The following KCNIP4 variants were observed in gnomAD, a reference collection of about 807,000 sequenced individuals.
KCNIP4 encodes the protein potassium voltage-gated channel interacting protein 4.
KCNIP4 carries 12 observed loss-of-function variants against 34.0 expected under a neutral mutation model. The observed-to-expected ratio is 0.35, with a 90% CI of 0.23 to 0.57. KCNIP4 has a LOEUF of 0.57. Ranked by LOEUF, KCNIP4 falls within the 20% of genes least tolerant of loss-of-function variation. The pLI, the probability that KCNIP4 is intolerant of heterozygous loss-of-function variation, is 0.83. For synonymous variants in KCNIP4, 124 were observed against 102.2 expected (o/e 1.21, Z -1.29); for missense variants, 238 against 311.7 (o/e 0.76, Z 1.78).
intron 1 of KCNIP4, among the ~76,000 whole-genome samples, chr4:21,912,036 C>T (rs1166573629): frequency 6.6e-6 from 1 of 152,078 alleles, no homozygotes; most frequent in Non-Finnish European, 1.5e-5. Context: ...TTACATCAGG[C>T]AATTGCCTTG....
intron 1 of KCNIP4, among the ~76,000 whole-genome samples, chr4:21,173,950 C>G (rs1754205317): frequency 6.6e-6 from 1 of 152,172 alleles, no homozygotes; most frequent in Non-Finnish European, 1.5e-5. Flanking sequence ...TCTGCACACC[C>G]CACTCCTTTC....
At chr4:20,813,923 G>T (rs1198694679) in intron 3 of KCNIP4, among the ~76,000 whole-genome samples, 1 of 152,194 alleles carries the variant, frequency 6.6e-6, no homozygotes, top group Non-Finnish European at 1.5e-5. Flanking sequence ...GGTCCAGCAA[G>T]TCACTGCAGT....
intron 3 of KCNIP4, among the ~76,000 whole-genome samples, chr4:20,836,300 T>C (rs569979945): frequency 7.7e-4 from 118 of 152,332 alleles, no homozygotes; most frequent in African/African-American, 2.7e-3. Flanking sequence ...CTTAGGGCTT[T>C]TGCGCTTGCT....
chr4:21,464,368 C>T (rs1291632222), intron 1 of KCNIP4, among the ~76,000 whole-genome samples: 6 of 151,934 alleles, frequency 3.9e-5, no homozygotes, highest in Admixed American at 6.6e-5. Context: ...GTGTAAGCTA[C>T]ATTCTATAAT....
chr4:20,797,460 T>G (rs1713626711), intron 3 of KCNIP4, among the ~76,000 whole-genome samples: 1 of 152,158 alleles, frequency 6.6e-6, no homozygotes, highest in South Asian at 2.1e-4. Context: ...CCTCCTGGTG[T>G]GTATGCCCTG....
At chr4:21,421,752 A>C (rs1405174116) in intron 1 of KCNIP4, among the ~76,000 whole-genome samples, 1 of 152,236 alleles carries the variant, frequency 6.6e-6, no homozygotes, top group African/African-American at 2.4e-5. Flanking sequence ...TAAATGTTCT[A>C]ACCACAAATA....
chr4:21,224,347 T>C (rs181651680), intron 1 of KCNIP4, among the ~76,000 whole-genome samples: 61 of 151,910 alleles, frequency 4.0e-4, no homozygotes, highest in African/African-American at 1.4e-3. Context: ...CAATCCTGTG[T>C]TTCTTCTTTT....
intron 1 of KCNIP4, among the ~76,000 whole-genome samples, chr4:21,368,172 G>T (rs1181307586): frequency 6.8e-6 from 1 of 146,602 alleles, no homozygotes; most frequent in Non-Finnish European, 1.5e-5. Flanking sequence ...CTACTGAGTT[G>T]CAGTGATTAA....
In KCNIP4 at chr4:21,088,094, C is replaced by G. The variant is rs140634709; in HGVS notation, c.62-205385G>C. 5.4e-3 allele frequency among the ~76,000 whole-genome samples: 805 copies of G among 150,126 alleles called. 7 individuals are homozygous for G. The highest frequency in any genetic ancestry group is 0.019 in the African/African-American group (767 of 39,972). ...GAGATGTCTCACTGGCAACTCAAAA[C>G]CATATGCCATTGTATCTGAAATGTT... is the stretch of plus-strand genomic sequence containing the variant. On this transcript the variant is annotated intron_variant, in intron 1 of 8. Transcript: ENST00000382152.
At chr4:21,579,357 C>A (rs747126516) in intron 1 of KCNIP4, among the ~76,000 whole-genome samples, 1 of 152,154 alleles carries the variant, frequency 6.6e-6, no homozygotes, top group Non-Finnish European at 1.5e-5. Context: ...TATTAAATTT[C>A]TTTCATCCCA....
At chr4:20,780,934 CTCTTTGT>C (rs1756815577) in intron 3 of KCNIP4, among the ~76,000 whole-genome samples, 1 of 152,120 alleles carries the variant, frequency 6.6e-6, no homozygotes. Context: ...TATTTTCTTG[CTCTTTGT>C]TCTTTACAGG....
intron 1 of KCNIP4, among the ~76,000 whole-genome samples, chr4:21,500,421 TTC>T (rs1324912247): frequency 6.6e-6 from 1 of 152,136 alleles, no homozygotes; most frequent in Non-Finnish European, 1.5e-5. Context: ...CATAAAAAAC[TTC>T]TCTGAGTCTT....
At chr4:21,224,636 G>C (rs1375858808) in intron 1 of KCNIP4, among the ~76,000 whole-genome samples, 1 of 138,516 alleles carries the variant, frequency 7.2e-6, no homozygotes, top group Non-Finnish European at 1.5e-5. Context: ...ACCCAGGCTG[G>C]AGTGCAATGG....
intron 1 of KCNIP4, among the ~76,000 whole-genome samples, chr4:21,245,000 T>A (rs1760098484): frequency 6.6e-6 from 1 of 152,214 alleles, no homozygotes; most frequent in Admixed American, 6.5e-5. Flanking sequence ...AAATTAGGGA[T>A]ACAAATAGAG....
chr4:21,519,558 ATGTGTATATATACACATATGTGTGTG>A (rs1735214484), intron 1 of KCNIP4, among the ~76,000 whole-genome samples: 1 of 47,246 alleles, frequency 2.1e-5, no homozygotes, highest in African/African-American at 1.1e-4. Context: ...ATATGTGTGT[ATGTGTATATATACACATATGTGTGTG>A]TATGTATGTG....
At chr4:21,708,608 G>T (rs1713474722) in intron 1 of KCNIP4, among the ~76,000 whole-genome samples, 1 of 152,120 alleles carries the variant, frequency 6.6e-6, no homozygotes. Context: ...AAAGCCACCT[G>T]CAGACCACTG....
At chr4:21,191,413 T>C (rs1008127153) in intron 1 of KCNIP4, among the ~76,000 whole-genome samples, 4 of 152,236 alleles carry the variant, frequency 2.6e-5, no homozygotes, top group Admixed American at 6.5e-5. Context: ...TGACGGAAGA[T>C]AGGCATTGGT....
At chr4:21,756,170 C>A (rs2109154450) in intron 1 of KCNIP4, among the ~76,000 whole-genome samples, 1 of 152,054 alleles carries the variant, frequency 6.6e-6, no homozygotes, top group African/African-American at 2.4e-5. Context: ...TACATTTCTC[C>A]TTGTTCTATT....
intron 1 of KCNIP4, among the ~76,000 whole-genome samples, chr4:21,457,395 G>T (rs1729045283): frequency 6.6e-6 from 1 of 151,782 alleles, no homozygotes; most frequent in African/African-American, 2.4e-5. Context: ...CCAAAATGAG[G>T]TGGAAAATCA....
Sources: allele counts gnomAD v4.1 joint callset (sites outside exome capture counted in the v4.1 genomes callset), GRCh38; gene constraint gnomAD v4.1.1; transcripts MANE v1.5; gene names NCBI Gene and HGNC (gene_info 2026-07-23, HGNC 2026-07-21).